The following P4HA1 variants were observed in gnomAD, a reference collection of about 807,000 sequenced individuals.
P4HA1 encodes prolyl 4-hydroxylase subunit alpha-1.
P4HA1 carries 24 observed loss-of-function variants against 72.8 expected under a neutral mutation model. The ratio of observed to expected loss-of-function variants is 0.33; its 90% CI spans 0.24 to 0.46. P4HA1 has a LOEUF of 0.46. Ranked by LOEUF, P4HA1 falls within the 20% of genes least tolerant of loss-of-function variation. The probability of loss-of-function intolerance (pLI) is 1.00; values close to 1 mark genes in which losing one functional copy is unlikely to be tolerated. For missense variants in P4HA1, 446 were observed against 640.6 expected (o/e 0.70, Z 3.28); for synonymous variants, 201 against 218.8 (o/e 0.92, Z 0.72).
intron 1 of P4HA1, among the ~76,000 whole-genome samples, chr10:73,083,844 A>G (rs969574378): frequency 6.6e-6 from 1 of 152,236 alleles, no homozygotes; most frequent in African/African-American, 2.4e-5. Flanking sequence ...ATTTAATACA[A>G]TAATTAAAAG....
chr10:73,066,578 C>A (rs758969014), intron 5 of P4HA1, among the ~76,000 whole-genome samples: 3 of 151,974 alleles, frequency 2.0e-5, no homozygotes, highest in Admixed American at 6.6e-5. Flanking sequence ...AGTGTAGTGG[C>A]GTGATCACAG....
At chr10:73,023,315 A>T (rs1366894249) in intron 10 of P4HA1, among the ~76,000 whole-genome samples, 2 of 152,230 alleles carry the variant, frequency 1.3e-5, no homozygotes, top group Non-Finnish European at 2.9e-5. Context: ...AAACCCTACA[A>T]GCAAGAAGAG....
chr10:73,022,868 T>A (rs538427235), intron 10 of P4HA1, among the ~76,000 whole-genome samples: 26 of 152,268 alleles, frequency 1.7e-4, no homozygotes, highest in Middle Eastern at 3.4e-3. Context: ...CGGTAGCCGA[T>A]TTGATCAAGT....
intron 2 of P4HA1, among the ~76,000 whole-genome samples, chr10:73,074,267 T>C (rs1284085277): frequency 6.6e-6 from 1 of 152,152 alleles, no homozygotes; most frequent in Non-Finnish European, 1.5e-5. Flanking sequence ...CTGTTATTTA[T>C]AACAGGATGC....
intron 10 of P4HA1, among the ~76,000 whole-genome samples, chr10:73,027,033 A>G (rs1159343613): frequency 6.6e-6 from 1 of 152,248 alleles, no homozygotes. Flanking sequence ...TGTGGAAGAC[A>G]GTGTGGTGAT....
chr10:73,078,244 C>T (rs1291948216), intron 1 of P4HA1, among the ~76,000 whole-genome samples: 2 of 152,046 alleles, frequency 1.3e-5, no homozygotes, highest in African/African-American at 2.4e-5. Flanking sequence ...ACAAAAAATG[C>T]TCAAACTTAT....
intron 3 of P4HA1, among the ~76,000 whole-genome samples, chr10:73,072,489 G>T (rs990663548): frequency 1.4e-4 from 22 of 152,200 alleles, no homozygotes; most frequent in African/African-American, 5.3e-4. Context: ...TTTAGACTTA[G>T]GTCCCAGGGC....
In P4HA1 at chr10:73,055,063, CA is replaced by C. The variant is rs555296213; in HGVS notation, c.464-1474del. On this transcript the variant is annotated intron_variant, in intron 5 of 14. Coordinates refer to ENST00000394890, the MANE Select transcript of P4HA1 (RefSeq NM_001017962.3). ...AACGTAATGAGACCCTCATATCTAA[CA>C]AAAAAAAAATTTTTAGAAATTAGCC... Among the ~76,000 whole-genome samples, 4 of 150,430 alleles carry C rather than the reference CA, an allele frequency of 2.7e-5. No individual in the cohort carries two copies. In the South Asian group the frequency reaches 6.3e-4, roughly 24 times the overall value.
At chr10:73,094,845 G>A in intron 1 of P4HA1, among the ~76,000 whole-genome samples, 1 of 151,832 alleles carries the variant, frequency 6.6e-6, no homozygotes, top group East Asian at 1.9e-4. Context: ...TAATTTTTTT[G>A]GCATAATTAA....
chr10:73,077,439 C>T (rs545362039), intron 1 of P4HA1, among the ~76,000 whole-genome samples: 1 of 152,092 alleles, frequency 6.6e-6, no homozygotes, highest in Admixed American at 6.5e-5. Context: ...CATTAGCCTA[C>T]AGAAATAACT....
intron 5 of P4HA1, among the ~76,000 whole-genome samples, chr10:73,056,154 G>A (rs1051194085): frequency 2.0e-5 from 3 of 152,108 alleles, no homozygotes; most frequent in African/African-American, 7.2e-5. Flanking sequence ...GGACCTTCCT[G>A]TATAAAAGAT....
rs987158668 is a variant in P4HA1, at chr10:73,037,320, A to C, written c.1149-6950T>G. Among the ~76,000 whole-genome samples, 6 of 150,428 alleles carry C rather than the reference A, an allele frequency of 4.0e-5. No individual in the cohort carries two copies. In the East Asian group the frequency reaches 7.8e-4, roughly 19 times the overall value. On this transcript the variant is annotated intron_variant, in intron 9 of 14. Coordinates refer to ENST00000394890, the MANE Select transcript of P4HA1 (RefSeq NM_001017962.3). ...GAGTTTCCGCTGTTAAAAAAAAAAA[A>C]AAAAAACTTCATGATTTTGTAAAAT...
rs561239908 is a variant in P4HA1, at chr10:73,026,904, T to C, written c.1248+3367A>G. Among the ~76,000 whole-genome samples, 14 of 152,238 alleles carry C rather than the reference T, an allele frequency of 9.2e-5. 1 individual carries two copies. The South Asian group carries it at 1.7e-3, about 18-fold the overall frequency. On this transcript the variant is annotated intron_variant, in intron 10 of 14. Transcript: ENST00000394890. ...GAAGCAAAACCACAATGAGATACCA[T>C]CTCATGCCAGTTAGAATGGCAATCA...
chr10:73,037,679 C>T lies in P4HA1; in HGVS notation c.1148+7302G>A, dbSNP rs112545236. On this transcript the variant is annotated intron_variant, in intron 9 of 14. Transcript: ENST00000394890. Reference sequence around the variant, plus strand: ...TCTTCTCTAGGTGCTTGATGGTTAACAAAGGCTAATAATCTAGACTGGGAA... The same window carrying T: ...TCTTCTCTAGGTGCTTGATGGTTAATAAAGGCTAATAATCTAGACTGGGAA... Among the ~76,000 whole-genome samples, 27 of 145,400 alleles carry T rather than the reference C, an allele frequency of 1.9e-4. 1 individual carries two copies. The highest frequency in any genetic ancestry group is 6.4e-4 in the African/African-American group (25 of 39,288).
At chr10:73,023,669 G>C (rs550273040) in intron 10 of P4HA1, among the ~76,000 whole-genome samples, 26 of 152,194 alleles carry the variant, frequency 1.7e-4, no homozygotes, top group Middle Eastern at 3.4e-3. Context: ...ATGTAAATGG[G>C]CTAAATGTCC....
intron 9 of P4HA1, among the ~76,000 whole-genome samples, chr10:73,035,378 G>A (rs571509418): frequency 1.3e-5 from 2 of 152,192 alleles, no homozygotes; most frequent in East Asian, 3.9e-4. Flanking sequence ...AAATTAATGA[G>A]CAAGGTGTGG....
At chr10:73,037,546 TATATATATATATATATATATATATA>T (rs1338608588) in intron 9 of P4HA1, among the ~76,000 whole-genome samples, 23 of 27,268 alleles carry the variant, frequency 8.4e-4, no homozygotes, top group East Asian at 3.9e-3. Context: ...TATATATATA[TATATATATATATATATATATATATA>T]TTTTTTTTTT....
At chr10:73,081,609 GTCAA>G (rs1841824615) in intron 1 of P4HA1, among the ~76,000 whole-genome samples, 1 of 152,080 alleles carries the variant, frequency 6.6e-6, no homozygotes, top group Admixed American at 6.6e-5. Context: ...GACTCAACAG[GTCAA>G]TCAAACCTGG....
chr10:73,042,724 A>G (rs1840766878), intron 9 of P4HA1, among the ~76,000 whole-genome samples: 1 of 151,826 alleles, frequency 6.6e-6, no homozygotes, highest in South Asian at 2.1e-4. Context: ...GGGTGGAGTC[A>G]CTAGAGGTAG....
Sources: allele counts gnomAD v4.1 joint callset (sites outside exome capture counted in the v4.1 genomes callset), GRCh38; gene constraint gnomAD v4.1.1; transcripts MANE v1.5; gene names NCBI Gene and HGNC (gene_info 2026-07-23, HGNC 2026-07-21).